The following PLCG2 variants were observed in gnomAD, a reference collection of about 807,000 sequenced individuals.
PLCG2 encodes the protein phospholipase C gamma 2, also known as 1-phosphatidylinositol 4,5-bisphosphate phosphodiesterase gamma-2.
In PLCG2, 69 loss-of-function variants were observed where a neutral mutation model predicts 175.6. That is an observed-to-expected ratio of 0.39 (90% CI 0.32 to 0.48). The LOEUF is 0.48. Ranked by LOEUF, PLCG2 falls within the 20% of genes least tolerant of loss-of-function variation. The pLI, the probability that PLCG2 is intolerant of heterozygous loss-of-function variation, is 0.91. For synonymous variants in PLCG2, 827 were observed against 624.0 expected, an observed-to-expected ratio of 1.33 and a Z score of -4.85; for missense variants, 1,798 against 1,650.9, an observed-to-expected ratio of 1.09 and a Z score of -1.54.
intron 2 of PLCG2, among the ~76,000 whole-genome samples, chr16:81,803,663 C>CCCTCCCTTCCTA (rs1197881270): frequency 3.4e-5 from 1 of 29,738 alleles, no homozygotes; most frequent in Non-Finnish European, 7.5e-5. Context: ...CTCCCTCCCT[C>CCCTCCCTTCCTA]CCTTCCTTCC....
At chr16:81,956,390 A>G (rs1426028346) in intron 31 of PLCG2, among the ~76,000 whole-genome samples, 1 of 152,168 alleles carries the variant, frequency 6.6e-6, no homozygotes, top group East Asian at 1.9e-4. Context: ...TGACATGTAG[A>G]CCAAAGGAAA....
At chr16:81,939,514 C>T (rs1789861302) in intron 29 of PLCG2, among the ~76,000 whole-genome samples, 1 of 152,196 alleles carries the variant, frequency 6.6e-6, no homozygotes, top group South Asian at 2.1e-4. Flanking sequence ...TGGGCTCTCC[C>T]CTGCCAGCTG....
intron 21 of PLCG2, among the ~76,000 whole-genome samples, chr16:81,923,257 C>A (rs1877574189): frequency 6.9e-6 from 1 of 144,608 alleles, no homozygotes; most frequent in African/African-American, 2.6e-5. Flanking sequence ...TTAACCCCAA[C>A]CCAGGTACCC....
At chr16:81,848,159 C>A (rs1348510384) in intron 2 of PLCG2, among the ~76,000 whole-genome samples, 3 of 152,172 alleles carry the variant, frequency 2.0e-5, no homozygotes, top group Admixed American at 1.3e-4. Flanking sequence ...GGATCAAGAG[C>A]GCAGAAATAG....
chr16:81,946,584 T>C (rs191878393), intron 31 of PLCG2, among the ~76,000 whole-genome samples: 9 of 152,260 alleles, frequency 5.9e-5, no homozygotes, highest in African/African-American at 2.2e-4. Context: ...AGACTCATCC[T>C]TTCTGGATGC....
At chr16:81,880,122 T>C (rs189261086) in intron 7 of PLCG2, among the ~76,000 whole-genome samples, 62 of 152,252 alleles carry the variant, frequency 4.1e-4, no homozygotes, top group African/African-American at 1.4e-3. Context: ...ATGCCTGTAG[T>C]CCTAGTTACG....
At chr16:81,874,452 T>A (rs185229250) in intron 7 of PLCG2, among the ~76,000 whole-genome samples, 1 of 152,358 alleles carries the variant, frequency 6.6e-6, no homozygotes, top group East Asian at 1.9e-4. Context: ...GCTATGTAGA[T>A]GGCTTCTGGC....
At chr16:81,838,230 G>T (rs1905628318) in intron 2 of PLCG2, among the ~76,000 whole-genome samples, 1 of 151,974 alleles carries the variant, frequency 6.6e-6, no homozygotes, top group African/African-American at 2.4e-5. Flanking sequence ...GGGACTGTAG[G>T]CACCTGCCAC....
chr16:81,790,900 G>A (rs1911201915), intron 2 of PLCG2, among the ~76,000 whole-genome samples: 1 of 152,138 alleles, frequency 6.6e-6, no homozygotes, highest in East Asian at 1.9e-4. Context: ...GTTCTGTAGT[G>A]CACAGGACAG....
At chr16:81,945,846 T>C (rs1911128882) in intron 30 of PLCG2, among the ~76,000 whole-genome samples, 1 of 152,234 alleles carries the variant, frequency 6.6e-6, no homozygotes, top group South Asian at 2.1e-4. Flanking sequence ...CTCAGGAGTA[T>C]TTAAGGAATT....
At chr16:81,885,381 C>T (rs1453801263) in intron 9 of PLCG2, among the ~76,000 whole-genome samples, 3 of 152,148 alleles carry the variant, frequency 2.0e-5, no homozygotes, top group Admixed American at 2.0e-4. Context: ...TCAGGCTGAT[C>T]TCCAACTCCT....
At chr16:81,778,045 A>AACAAACAAACACAC (rs746647458), upstream of PLCG2, among the ~76,000 whole-genome samples, 1 of 77,906 alleles carries the variant, frequency 1.3e-5, no homozygotes, top group Non-Finnish European at 2.5e-5. Context: ...AAAAAAAACA[A>AACAAACAAACACAC]AAAAAAAAAC....
At chr16:81,888,019 T>C (rs562048933) in intron 9 of PLCG2, among the ~76,000 whole-genome samples, 31 of 130,016 alleles carry the variant, frequency 2.4e-4, no homozygotes, top group Non-Finnish European at 4.2e-4. Flanking sequence ...CATATCAGTT[T>C]CGTTATTTGG....
intron 2 of PLCG2, among the ~76,000 whole-genome samples, chr16:81,757,236 C>T (rs1329244679): frequency 6.6e-6 from 1 of 152,152 alleles, no homozygotes; most frequent in East Asian, 1.9e-4. Flanking sequence ...TTCATCCATT[C>T]ATCCATCCAC....
chr16:81,956,527 T>C (rs1206742197), intron 31 of PLCG2, among the ~76,000 whole-genome samples, 168 bp from the exon 32 acceptor site: 1 of 152,210 alleles, frequency 6.6e-6, no homozygotes, highest in East Asian at 1.9e-4. Flanking sequence ...TAAATAATTG[T>C]GTTTTATCTT....
chr16:81,809,853 G>C (rs1303456269), intron 2 of PLCG2, among the ~76,000 whole-genome samples: 1 of 149,768 alleles, frequency 6.7e-6, no homozygotes, highest in Non-Finnish European at 1.5e-5. Flanking sequence ...TCAGAAACCA[G>C]CTCAAGCAAA....
At chr16:81,832,075 C>G (rs1018660915) in intron 2 of PLCG2, among the ~76,000 whole-genome samples, 151 of 150,640 alleles carry the variant, frequency 1.0e-3, no homozygotes, top group African/African-American at 3.5e-3. Flanking sequence ...TTGTCGTCCT[C>G]CGGCCTCAGT....
chr16:81,950,041 C>T (rs575500836), intron 31 of PLCG2, among the ~76,000 whole-genome samples: 12 of 152,148 alleles, frequency 7.9e-5, no homozygotes, highest in African/African-American at 2.9e-4. Context: ...AAAAGGAGAT[C>T]AACATAAACT....
chr16:81,945,490 C>G (rs10459875), intron 30 of PLCG2, among the ~76,000 whole-genome samples: 25,451 of 152,166 alleles, frequency 0.17, 2,767 homozygotes, highest in East Asian at 0.39. Flanking sequence ...TGGGAGTGAC[C>G]GTTCTGTTTC....
Sources: gnomAD v4.1 joint callset for allele counts (sites outside exome capture counted in the v4.1 genomes callset) on GRCh38, gnomAD v4.1.1 for gene constraint, MANE v1.5 for transcripts, NCBI Gene and HGNC (gene_info 2026-07-23, HGNC 2026-07-21) for gene names.